The following SNX1 variants were observed in gnomAD, a reference collection of about 807,000 sequenced individuals.
SNX1 encodes sorting nexin 1, also known as sorting nexin-1.
In SNX1, 36 loss-of-function variants were observed where a neutral mutation model predicts 71.8. The observed-to-expected ratio is 0.50, with a 90% CI of 0.38 to 0.66. SNX1 has a LOEUF of 0.66. SNX1 is among the 30% of genes least tolerant of loss of function. The pLI is 0.00. For synonymous variants in SNX1, 254 were observed against 240.7 expected, an observed-to-expected ratio of 1.06 and a Z score of -0.51; for missense variants, 612 against 646.7, an observed-to-expected ratio of 0.95 and a Z score of 0.58.
Position 64,137,977 on chromosome 15 carries a change from G to A in SNX1, c.*359G>A. 2.1e-6 allele frequency: 3 copies of A among 1,456,978 alleles called. No homozygotes were observed. Among genetic ancestry groups the A allele is most frequent in the Non-Finnish European group, 2.7e-6 (3 of 1,112,808 alleles). The allele number at this position is 1,456,978 out of a possible 1,614,324, so 90.3% of individuals were successfully genotyped here. ...GTTACTCCTGATGGTGCCATGAAAA[G>A]GTTATGTAATAAAATATTTTAAAAT... On this transcript the variant is annotated 3_prime_UTR_variant, in exon 15 of 15. Transcript: ENST00000559844.
Position 64,129,798 on chromosome 15 carries a change from T to C in SNX1, c.808-118T>C. The C allele has an allele frequency of 1.4e-6, 1 of 726,908 alleles. No homozygotes were observed. Among genetic ancestry groups the C allele is most frequent in the Middle Eastern group, 3.8e-4 (1 of 2,600 alleles). 45.0% of individuals were successfully genotyped at this position (726,908 alleles called of 1,614,324 possible). ...CCTCAGACTGCCTTTGAAAACAATT[T>C]ACAGTTCAAATAATTTGTCTGGCAA... On this transcript the variant is annotated intron_variant, in intron 8 of 14. Transcript: ENST00000559844. This position sits in a 1 kb window ranked among gnomAD's most constrained non-coding sequence, Gnocchi z 4.4.
Position 64,130,286 on chromosome 15 carries a change from A to G in SNX1, c.980A>G (p.His327Arg), listed in dbSNP as rs770264981. 6.2e-7 allele frequency: 1 copy of G among 1,614,150 alleles called. No individual in the cohort carries two copies. Residue 327 changes from histidine (H) to arginine (R), a missense_variant, in exon 10 of 15, where the codon CAT becomes CGT. His to Arg is a conservative substitution (Grantham distance 29). Coordinates refer to ENST00000559844, the MANE Select transcript of SNX1 (RefSeq NM_003099.5). The stretch of plus-strand genomic sequence containing the variant: ...GAGGAGCAGCGCTTACGGAAACTGC[A>G]TGCTGTTGTAGAAACTCTAGTCAAC... Reference protein sequence around the residue: ...ECEEQRLRKLHAVVETLVNHR... With the variant: ...ECEEQRLRKLRAVVETLVNHR...
intron 8 of SNX1, 68 bp downstream of exon 8, chr15:64,127,874 T>G: frequency 5.9e-6 from 7 of 1,191,372 alleles, no homozygotes; most frequent in Non-Finnish European, 8.7e-6. Flanking sequence ...ACTAGTTCAT[T>G]CCAAAAATAT....
chr15:64,138,120 G>A lies in SNX1; in HGVS notation c.*502G>A, dbSNP rs555636342. ...CAGGTATAGTAAGTTTTTCTCTACC[G>A]TTCACAAGTTTTGTGCTGCTGCTTC... On this transcript the variant is annotated 3_prime_UTR_variant, in exon 15 of 15. Coordinates refer to ENST00000559844, the MANE Select transcript of SNX1 (RefSeq NM_003099.5). 31 of 1,535,682 alleles carry A rather than the reference G, an allele frequency of 2.0e-5. No homozygotes were observed. The highest frequency in any genetic ancestry group is 1.2e-4 in the East Asian group (5 of 40,906).
chr15:64,130,857 T>A (rs1255854815), intron 10 of SNX1, among the ~76,000 whole-genome samples: 1 of 152,216 alleles, frequency 6.6e-6, no homozygotes, highest in Non-Finnish European at 1.5e-5. Flanking sequence ...CAAAGTATAA[T>A]CTGGCCCATG....
At position 64,142,736 on chromosome 15, in the gene SNX1, G is replaced by C. The variant is rs1187190036; in HGVS notation, c.*5118G>C. On this transcript the variant is annotated 3_prime_UTR_variant, in exon 15 of 15. Transcript: ENST00000559844. ...TTGGGCTCCGGAGTGCTGAAGATGAGGACTGGACTTCGAGCTGGTGTGATC... is the reference window on the plus strand; with the variant it reads ...TTGGGCTCCGGAGTGCTGAAGATGACGACTGGACTTCGAGCTGGTGTGATC... 1 of 455,654 alleles carries C rather than the reference G, an allele frequency of 2.2e-6. No individual in the cohort carries two copies. The highest frequency in any genetic ancestry group is 4.4e-6 in the Non-Finnish European group (1 of 226,680). The allele number at this position is 455,654 out of a possible 1,614,324, so 28.2% of individuals were successfully genotyped here.
At position 64,140,549 on chromosome 15, in the gene SNX1, G is replaced by A. The variant is rs555966549; in HGVS notation, c.*2931G>A. 6.6e-6 allele frequency: 1 copy of A among 152,252 alleles called. No individual in the cohort carries two copies. Among genetic ancestry groups the A allele is most frequent in the South Asian group, 2.1e-4 (1 of 4,812 alleles). 9.4% of individuals were successfully genotyped at this position (152,252 alleles called of 1,614,324 possible). On this transcript the variant is annotated 3_prime_UTR_variant, in exon 15 of 15. Transcript: ENST00000559844. Reference sequence around the variant, plus strand: ...CCAGGGAGTCTTGGTTCCTTATAATGGAGAATGGTATTTATTTATTTTTAT... The same window carrying A: ...CCAGGGAGTCTTGGTTCCTTATAATAGAGAATGGTATTTATTTATTTTTAT...
At chr15:64,116,002 T>C (rs2081125254) in intron 2 of SNX1, among the ~76,000 whole-genome samples, 1 of 152,236 alleles carries the variant, frequency 6.6e-6, no homozygotes. Flanking sequence ...CCTCGAACAA[T>C]GCAGGCGCAG....
chr15:64,103,166 G>T (rs1300225791), intron 1 of SNX1, among the ~76,000 whole-genome samples: 3 of 152,168 alleles, frequency 2.0e-5, no homozygotes, highest in African/African-American at 7.2e-5. Flanking sequence ...ACATGGGCAT[G>T]CAGAAGAAAT....
At chr15:64,122,121 C>T (rs867166965) in intron 4 of SNX1, among the ~76,000 whole-genome samples, 50 of 152,150 alleles carry the variant, frequency 3.3e-4, no homozygotes, top group Admixed American at 5.2e-4. Flanking sequence ...TCTGAAGATC[C>T]TGCTTTTCTG....
At position 64,108,615 on chromosome 15, in the gene SNX1, A is replaced by G. The variant is rs574318574; in HGVS notation, c.160-3958A>G. Among the ~76,000 whole-genome samples the G allele has an allele frequency of 2.0e-5, 3 of 152,330 alleles. No individual in the cohort carries two copies. In the East Asian group the frequency reaches 5.8e-4, roughly 29 times the overall value. ...TAATGTTATTATGCCTCAAAGGCCA[A>G]CTGTGTACAAGGTACTCTTCAGCCT... On this transcript the variant is annotated intron_variant, in intron 1 of 14. Coordinates refer to ENST00000559844, the MANE Select transcript of SNX1 (RefSeq NM_003099.5).
At chr15:64,122,552 C>T (rs1199850935) in intron 4 of SNX1, among the ~76,000 whole-genome samples, 2 of 152,144 alleles carry the variant, frequency 1.3e-5, no homozygotes, top group East Asian at 3.8e-4. Context: ...AGCTGCTGAT[C>T]CAGTACTGCC....
chr15:64,110,912 A>G (rs774753210), intron 1 of SNX1, among the ~76,000 whole-genome samples: 1 of 152,254 alleles, frequency 6.6e-6, no homozygotes, highest in Non-Finnish European at 1.5e-5. Flanking sequence ...TCTTTATATC[A>G]CAGGAATGGG....
Position 64,129,049 on chromosome 15 carries a change from C to T in SNX1, c.808-867C>T, listed in dbSNP as rs186796007. Reference sequence around the variant, plus strand: ...ATCACCTGAGGTCAGGAGTTCGAGACCAGCCTGGCCAACATGGCAAAATCC... The same window carrying T: ...ATCACCTGAGGTCAGGAGTTCGAGATCAGCCTGGCCAACATGGCAAAATCC... On this transcript the variant is annotated intron_variant, in intron 8 of 14. Coordinates refer to ENST00000559844, the MANE Select transcript of SNX1 (RefSeq NM_003099.5). This position sits in a 1 kb window ranked among gnomAD's most constrained non-coding sequence, Gnocchi z 4.4. Among the ~76,000 whole-genome samples the T allele has an allele frequency of 6.6e-5, 10 of 152,070 alleles. No homozygotes were observed. The East Asian group carries it at 1.9e-3, about 29-fold the overall frequency.
At chr15:64,136,744 C>G in intron 13 of SNX1, 117 bp from the exon 14 acceptor site, 1 of 730,970 alleles carries the variant, frequency 1.4e-6, no homozygotes, top group South Asian at 1.8e-5. Context: ...TACAGCTGTT[C>G]CACCTGCTGC....
chr15:64,109,339 A>G (rs1253207232), intron 1 of SNX1, among the ~76,000 whole-genome samples: 1 of 152,136 alleles, frequency 6.6e-6, no homozygotes, highest in African/African-American at 2.4e-5. Flanking sequence ...GCCACTGCAC[A>G]ATTAAAGAAA....
At chr15:64,112,474 A>G in intron 1 of SNX1, 99 bp from the exon 2 acceptor site, 1 of 666,488 alleles carries the variant, frequency 1.5e-6, no homozygotes, top group East Asian at 2.6e-5. Flanking sequence ...GAACTGGCTG[A>G]CTGGTGGCAA....
intron 11 of SNX1, among the ~76,000 whole-genome samples, chr15:64,133,750 G>A (rs1011830111): frequency 2.0e-5 from 3 of 152,130 alleles, no homozygotes; most frequent in Admixed American, 6.5e-5. Context: ...GAAAATATTC[G>A]GGGAACTTTT....
intron 4 of SNX1, among the ~76,000 whole-genome samples, chr15:64,122,284 T>C (rs1252106275): frequency 1.3e-5 from 2 of 152,168 alleles, no homozygotes; most frequent in African/African-American, 4.8e-5. Flanking sequence ...TTTTTTTCTT[T>C]TATCAGTAGT....
Sources: gnomAD v4.1 joint callset for allele counts (sites outside exome capture counted in the v4.1 genomes callset) on GRCh38, gnomAD v4.1.1 for gene constraint, Gnocchi (gnomAD v3.1) non-coding constraint, MANE v1.5 for transcripts, NCBI Gene and HGNC (gene_info 2026-07-23, HGNC 2026-07-21) for gene names.